The following CTNNA1 variants were observed in gnomAD, a reference collection of about 807,000 sequenced individuals.
CTNNA1 encodes the protein catenin alpha 1.
In CTNNA1, 37 loss-of-function variants were observed where a neutral mutation model predicts 98.4. The ratio of observed to expected loss-of-function variants is 0.38; its 90% CI spans 0.29 to 0.49. CTNNA1 has a LOEUF of 0.49. CTNNA1 is among the 20% of genes least tolerant of loss of function. The probability of loss-of-function intolerance (pLI) is 0.95; values close to 1 mark genes in which losing one functional copy is unlikely to be tolerated. For missense variants in CTNNA1, 761 were observed against 1,147.2 expected (o/e 0.66, Z 4.86); for synonymous variants, 404 against 413.2 (o/e 0.98, Z 0.27).
At chr5:138,801,201 G>T (rs765703755) in intron 3 of CTNNA1, among the ~76,000 whole-genome samples, 2 of 152,184 alleles carry the variant, frequency 1.3e-5, no homozygotes, top group Non-Finnish European at 2.9e-5. Flanking sequence ...CAGTAGTACA[G>T]TGTGTACTAC....
chr5:138,904,229 G>A (rs969011665), intron 9 of CTNNA1, 120 bp from the exon 10 acceptor site: 6 of 1,228,682 alleles, frequency 4.9e-6, no homozygotes, highest in Admixed American at 5.7e-5. Flanking sequence ...TGTGAGAAGG[G>A]AGGCACCCTT....
Position 138,910,226 on chromosome 5 carries a change from C to CTTT in CTNNA1, c.1389+5810_1389+5812dup, listed in dbSNP as rs70982740. Among the ~76,000 whole-genome samples, 44 of 53,268 alleles carry CTTT rather than the reference C, an allele frequency of 8.3e-4. 3 individuals are homozygous for CTTT. The highest frequency in any genetic ancestry group is 2.7e-3 in the African/African-American group (34 of 12,718). The allele number at this position is 53,268 out of a possible 152,430, so 34.9% of individuals were successfully genotyped here. A position where few individuals can be genotyped will look rare whatever the true frequency, so the allele number is the denominator to read the frequency against. On this transcript the variant is annotated intron_variant, in intron 10 of 17. Transcript: ENST00000302763. ...AAATTGGAAAGTGTTTCCTACTTTT[C>CTTT]TTTTTTTTTTTTTTTTTTTTTTTTT...
chr5:138,853,406 C>T (rs1466189125), intron 7 of CTNNA1, among the ~76,000 whole-genome samples: 1 of 151,222 alleles, frequency 6.6e-6, no homozygotes, highest in Non-Finnish European at 1.5e-5. Flanking sequence ...TGCCGGAGCT[C>T]TTGGTATATT....
intron 5 of CTNNA1, among the ~76,000 whole-genome samples, chr5:138,817,814 A>G (rs946183161): frequency 6.6e-6 from 1 of 151,890 alleles, no homozygotes; most frequent in Non-Finnish European, 1.5e-5. Context: ...TTTCTCATTT[A>G]CATCCTGATT....
chr5:138,852,871 G>GCGCACACACACGCGCGCGCA (rs869240008), intron 7 of CTNNA1, among the ~76,000 whole-genome samples: 3 of 151,240 alleles, frequency 2.0e-5, no homozygotes, highest in African/African-American at 7.3e-5. Flanking sequence ...GCGCGCGCGC[G>GCGCACACACACGCGCGCGCA]CACACACACA....
At chr5:138,931,532 A>G (rs1765323384) in intron 16 of CTNNA1, 1 of 936,670 alleles carries the variant, frequency 1.1e-6, no homozygotes, top group Non-Finnish European at 1.3e-6. Flanking sequence ...GCCTCCTTAC[A>G]CAAGCCAAAG....
intron 7 of CTNNA1, among the ~76,000 whole-genome samples, chr5:138,830,587 G>T (rs1326309433): frequency 6.6e-6 from 1 of 152,196 alleles, no homozygotes; most frequent in Non-Finnish European, 1.5e-5. Flanking sequence ...AAAAGGGTCT[G>T]GAAGAAGCAG....
chr5:138,925,572 CTGTT>C, intron 13 of CTNNA1, 165 bp downstream of exon 13: 2 of 1,105,816 alleles, frequency 1.8e-6, no homozygotes, highest in Non-Finnish European at 2.5e-6. Flanking sequence ...TCTAAAATGA[CTGTT>C]AGTTGCAAGT....
At chr5:138,796,682 TC>T (rs1757013310) in intron 3 of CTNNA1, among the ~76,000 whole-genome samples, 1 of 152,186 alleles carries the variant, frequency 6.6e-6, no homozygotes, top group Non-Finnish European at 1.5e-5. Context: ...GAGTTGGAAT[TC>T]CAAGTATGCT....
intron 7 of CTNNA1, among the ~76,000 whole-genome samples, chr5:138,833,863 T>C (rs1761518614): frequency 1.3e-5 from 2 of 152,214 alleles, no homozygotes; most frequent in Non-Finnish European, 2.9e-5. Flanking sequence ...TCTTTGTTCT[T>C]GCCTGAAAAC....
intron 3 of CTNNA1, among the ~76,000 whole-genome samples, chr5:138,791,356 T>C (rs990213553): frequency 1.3e-5 from 2 of 152,132 alleles, no homozygotes; most frequent in African/African-American, 2.4e-5. Flanking sequence ...CGGTGGCTCA[T>C]GTCTGTAATC....
At chr5:138,865,132 A>G (rs561936648) in intron 7 of CTNNA1, among the ~76,000 whole-genome samples, 1 of 152,226 alleles carries the variant, frequency 6.6e-6, no homozygotes, top group South Asian at 2.1e-4. Context: ...TTTAATTTTA[A>G]ATTGTACTCC....
chr5:138,842,508 A>G (rs1561583261), intron 7 of CTNNA1, among the ~76,000 whole-genome samples: 1 of 152,196 alleles, frequency 6.6e-6, no homozygotes, highest in South Asian at 2.1e-4. Flanking sequence ...CTGTTGTGAT[A>G]AAGGATCCTC....
Position 138,874,110 on chromosome 5 carries a change from C to T in CTNNA1, c.1063-12102C>T. 2 of 1,613,786 alleles carry T rather than the reference C, an allele frequency of 1.2e-6. No homozygotes were observed. The highest frequency in any genetic ancestry group is 1.7e-6 in the Non-Finnish European group (2 of 1,179,772). ...AGCTTCCGAAGGCCATAGAAGAGCT[C>T]TGGGTGCAGAGATGACAGCTGATTA... is the stretch of plus-strand genomic sequence containing the variant. On this transcript the variant is annotated intron_variant, in intron 7 of 17. Coordinates refer to ENST00000302763, the MANE Select transcript of CTNNA1 (RefSeq NM_001903.5). The surrounding 1 kb of genome is among the most constrained non-coding windows in gnomAD (Gnocchi z 4.1).
intron 9 of CTNNA1, among the ~76,000 whole-genome samples, chr5:138,900,382 T>TTTTTTTTTTTTTTTTTTTTGAGACG (rs1757780675): frequency 6.6e-6 from 1 of 152,192 alleles, no homozygotes; most frequent in African/African-American, 2.4e-5. Context: ...TAAACTGTTA[T>TTTTTTTTTTTTTTTTTTTTGAGACG]GAGAGTCAGT....
At chr5:138,904,511 T>C in intron 10 of CTNNA1, 70 bp downstream of exon 10, 1 of 1,550,122 alleles carries the variant, frequency 6.5e-7, no homozygotes, top group African/African-American at 1.4e-5. Context: ...ATGAGGTTTA[T>C]TTTGTTAAGT....
At position 138,932,558 on chromosome 5, in the gene CTNNA1, T is replaced by G; in HGVS notation, c.2299-20T>G. ...TGGGCCAGGCCAGGATACTTGGTGT[T>G]AAGCCTGCTCTCTCTTCAGTGCCCC... On this transcript the variant is annotated intron_variant, in intron 16 of 17. Coordinates refer to ENST00000302763, the MANE Select transcript of CTNNA1 (RefSeq NM_001903.5). 6.2e-7 allele frequency: 1 copy of G among 1,613,796 alleles called. No individual in the cohort carries two copies. Among genetic ancestry groups the G allele is most frequent in the East Asian group, 2.2e-5 (1 of 44,854 alleles).
chr5:138,919,967 ATTTTTTTTTTTTT>A (rs34990349), intron 11 of CTNNA1, among the ~76,000 whole-genome samples: 1 of 79,410 alleles, frequency 1.3e-5, no homozygotes, highest in Non-Finnish European at 2.3e-5. Context: ...AGCTTTGGCA[ATTTTTTTTTTTTT>A]TTTTTTTTTT....
rs1298659534 is a variant in CTNNA1 at position 138,809,944 on chromosome 5, T to C, written c.302-94T>C. 4.9e-6 allele frequency: 7 copies of C among 1,417,734 alleles called. No individual in the cohort carries two copies. The Admixed American group carries it at 1.1e-4, about 23-fold the overall frequency. The allele number at this position is 1,417,734 out of a possible 1,614,324, so 87.8% of individuals were successfully genotyped here. The stretch of plus-strand genomic sequence containing the variant: ...TCTTAAACTAAATTTGTGCATGAAA[T>C]ATACAAAGTTTGGATTATTTTTATA... On this transcript the variant is annotated intron_variant, in intron 3 of 17. Coordinates refer to ENST00000302763, the MANE Select transcript of CTNNA1 (RefSeq NM_001903.5).
Sources: allele counts gnomAD v4.1 joint callset (sites outside exome capture counted in the v4.1 genomes callset), GRCh38; gene constraint gnomAD v4.1.1; non-coding constraint Gnocchi (gnomAD v3.1); transcripts MANE v1.5; gene names NCBI Gene and HGNC (gene_info 2026-07-23, HGNC 2026-07-21).